The following SYP variants were observed in gnomAD, a reference collection of about 807,000 sequenced individuals.
SYP encodes synaptophysin.
In SYP, 2 loss-of-function variants were observed where a neutral mutation model predicts 24.3. The ratio of observed to expected loss-of-function variants is 0.08; its 90% confidence interval spans 0.03 to 0.26. SYP has a LOEUF of 0.26. SYP is among the 10% of genes least tolerant of loss of function. The pLI, the probability that SYP is intolerant of heterozygous loss-of-function variation, is 1.00. For missense variants in SYP, 216 were observed against 266.3 expected (o/e 0.81, Z 1.32); for synonymous variants, 143 against 123.2 (o/e 1.16, Z -1.07).
chrX:49,191,650 T>C lies in SYP; in HGVS notation c.729A>G (p.Gln243=), dbSNP rs1557102751. Residue 243 remains glutamine, a synonymous_variant, in exon 6 of 7, where the codon CAA becomes CAG. Coordinates refer to ENST00000263233, the MANE Select transcript of SYP (RefSeq NM_003179.3). ...LRAPPGAPEK[Q]PAPGDAYGDA... ...CGCCGTAGGCGTCCCCGGGTGCCGG[T>C]TGTTTCTCGGGGGCGCCGGGAGGCG... 12 of 1,206,429 alleles carry C rather than the reference T, an allele frequency of 9.9e-6. No individual in the cohort carries two copies. The highest frequency in any genetic ancestry group is 1.3e-5 in the Non-Finnish European group (12 of 892,701).
At chrX:49,191,865 G>T in intron 5 of SYP, 102 bp from the exon 6 acceptor site, 1 of 947,390 alleles carries the variant, frequency 1.1e-6, no homozygotes, top group Non-Finnish European at 1.5e-6. Context: ...GCTCCGCAAG[G>T]TGGGGGTTTC....
In SYP at chrX:49,197,798, A is replaced by G; in HGVS notation, c.144T>C (p.Ser48=). The G allele has an allele frequency of 1.7e-6, 2 of 1,208,970 alleles. No homozygotes were observed. Among genetic ancestry groups the G allele is most frequent in the East Asian group, 3.0e-5 (1 of 33,744 alleles). Residue 48 remains serine (S), a synonymous_variant, in exon 3 of 7, where the codon AGT becomes AGC. Coordinates refer to ENST00000263233, the MANE Select transcript of SYP (RefSeq NM_003179.3). ...AATCCACGCTCAGCTGGAGCTCCCC[A>G]CTGTAGCTGCCGCATGTGGCAAAGG... ...IFAFATCGSY[S]GELQLSVDCA...
chrX:49,199,934 G>A (rs2065544830), intron 1 of SYP, among the ~76,000 whole-genome samples: 1 of 111,220 alleles, frequency 9.0e-6, no homozygotes, highest in African/African-American at 3.3e-5. Flanking sequence ...CCCCGCTGCG[G>A]CAGTGAGGAC....
chrX:49,197,886 T>C (rs1284319228), intron 2 of SYP, 47 bp from the exon 3 acceptor site: 1 of 1,203,343 alleles, frequency 8.3e-7, no homozygotes, highest in Non-Finnish European at 1.1e-6. Flanking sequence ...TGTGTGCATG[T>C]GGGAGGGAGG....
Position 49,197,951 on chromosome X carries a change from T to A in SYP, c.103-112A>T. 3.9e-6 allele frequency: 4 copies of A among 1,021,837 alleles called. No homozygotes were observed. In the South Asian group the frequency reaches 8.1e-5, roughly 21 times the overall value. The allele number at this position is 1,021,837 out of a possible 1,213,427, so 84.2% of individuals were successfully genotyped here. A position where few individuals can be genotyped will look rare whatever the true frequency, so the allele number is the denominator to read the frequency against. On this transcript the variant is annotated intron_variant, in intron 2 of 6. Transcript: ENST00000263233. ...GCACAGGCAGCAGCAGATGGAGCAG[T>A]CCCCACCCCCACCCCCTAATCAGGG...
chrX:49,190,240 C>CAGGATCATAGCTCACG, intron 6 of SYP, among the ~76,000 whole-genome samples: 1 of 108,233 alleles, frequency 9.2e-6, no homozygotes, highest in Admixed American at 9.9e-5. Context: ...AGTGCAGTGG[C>CAGGATCATAGCTCACG]GCAATCTCGA....
At chrX:49,189,669 A>C (rs1341021365) in intron 6 of SYP, among the ~76,000 whole-genome samples, 3 of 110,930 alleles carry the variant, frequency 2.7e-5, no homozygotes, top group African/African-American at 9.8e-5. Context: ...TAATAAGTGA[A>C]ATGGAAAAAA....
intron 1 of SYP, among the ~76,000 whole-genome samples, chrX:49,199,757 C>A (rs1267335662): frequency 1.8e-5 from 2 of 108,217 alleles, no homozygotes; most frequent in Non-Finnish European, 3.9e-5. Context: ...CCAGCCCTCT[C>A]CCCCATCCCC....
At chrX:49,195,003 G>A (rs1367968227) in intron 3 of SYP, among the ~76,000 whole-genome samples, 2 of 110,311 alleles carry the variant, frequency 1.8e-5, no homozygotes, top group Admixed American at 9.6e-5. Flanking sequence ...CACTGCGCCC[G>A]GCCTCCCTCA....
chrX:49,196,959 A>G (rs1270847439), intron 3 of SYP: 1 of 109,009 alleles, frequency 9.2e-6, no homozygotes, highest in Admixed American at 9.7e-5. Flanking sequence ...TTGTTAATTT[A>G]TTTGTTATAA....
At chrX:49,193,528 C>T in intron 4 of SYP, 65 bp from the exon 5 acceptor site, 1 of 1,138,026 alleles carries the variant, frequency 8.8e-7, no homozygotes, top group Non-Finnish European at 1.2e-6. Context: ...GGCCCTGGGG[C>T]CTCCTCGGAT....
In SYP at chrX:49,191,923, A is replaced by G. The variant is rs781993414; in HGVS notation, c.616-160T>C. Among the ~76,000 whole-genome samples, 9 of 112,680 alleles carry G rather than the reference A, an allele frequency of 8.0e-5. No individual in the cohort carries two copies. In the South Asian group the frequency reaches 1.5e-3, roughly 18 times the overall value. The stretch of plus-strand genomic sequence containing the variant: ...CCAGTGCGAGAACGTCGATGTGCAG[A>G]AAAATCACCTCTGGCGGGGTGGGCG... On this transcript the variant is annotated intron_variant, in intron 5 of 6. Coordinates refer to ENST00000263233, the MANE Select transcript of SYP (RefSeq NM_003179.3).
At chrX:49,199,059 G>C in intron 1 of SYP, 26 bp from the exon 2 acceptor site, 1 of 1,205,068 alleles carries the variant, frequency 8.3e-7, no homozygotes, top group Non-Finnish European at 1.1e-6. Context: ...GTGGGGAAGG[G>C]GTGGGGTTGT....
chrX:49,191,454 A>C lies in SYP; in HGVS notation c.925T>G (p.Phe309Val), dbSNP rs2065508002. The change falls in exon 6 of 7, where the codon TTC becomes GTC. Residue 309 changes from phenylalanine (F) to valine (V), a missense_variant. This residue lies in a region of SYP where 114 missense variants were observed against 107.9 expected (regional missense o/e 1.06). Coordinates refer to ENST00000263233, the MANE Select transcript of SYP (RefSeq NM_003179.3). ...GYGPQGAPTS[F>V]SNQM ...TCACCAGACTACATCTGATTGGAGA[A>C]GGAGGTGGGTGCACCCTGCGGGCCG... 8.3e-7 allele frequency: 1 copy of C among 1,210,242 alleles called. No individual in the cohort carries two copies.
chrX:49,197,896 G>A, intron 2 of SYP, 57 bp from the exon 3 acceptor site: 5 of 1,197,722 alleles, frequency 4.2e-6, no homozygotes, highest in Middle Eastern at 2.8e-4. Flanking sequence ...TGGGAGGGAG[G>A]TGCCCTCCTC....
At chrX:49,193,198 C>T in intron 5 of SYP, 74 bp downstream of exon 5, 2 of 1,126,147 alleles carry the variant, frequency 1.8e-6, no homozygotes, top group Non-Finnish European at 2.4e-6. Flanking sequence ...CTCTTATTCT[C>T]CCACTCCACC....
chrX:49,200,061 G>C (rs988755591), intron 1 of SYP, 90 bp downstream of exon 1: 79 of 1,099,395 alleles, frequency 7.2e-5, no homozygotes, highest in Non-Finnish European at 9.7e-5. Flanking sequence ...CCAGACCCTG[G>C]CCACCACCTC....
chrX:49,198,783 C>T (rs1402856614), intron 2 of SYP, 185 bp downstream of exon 2: 8 of 497,139 alleles, frequency 1.6e-5, no homozygotes, highest in Non-Finnish European at 2.5e-5. Context: ...CCCTATGTGA[C>T]GTCACAGCTC....
At chrX:49,194,464 G>A (rs782342782) in intron 3 of SYP, 103 bp from the exon 4 acceptor site, 335 of 811,177 alleles carry the variant, frequency 4.1e-4, no homozygotes, top group Non-Finnish European at 5.6e-4. Context: ...CCAGGAAGAG[G>A]AGGAAATAAC....
Sources: gnomAD v4.1 joint callset for allele counts (sites outside exome capture counted in the v4.1 genomes callset) on GRCh38, gnomAD v4.1.1 for gene constraint, gnomAD v4.1.1 regional missense constraint, MANE v1.5 for transcripts, NCBI Gene and HGNC (gene_info 2026-07-23, HGNC 2026-07-21) for gene names.